GPR39: variants seen among roughly 807,000 people sequenced by gnomAD.
The protein encoded by GPR39 is G protein-coupled receptor 39.
A neutral mutation model predicts 18.4 loss-of-function variants in GPR39; 23 were observed. That is an observed-to-expected ratio of 1.25 (90% CI 0.90 to 1.77). The LOEUF is 1.77. Among genes scored for constraint, GPR39 ranks in the 40% most tolerant of loss-of-function variants. The pLI, the probability that GPR39 is intolerant of heterozygous loss-of-function variation, is 0.00. For missense variants in GPR39, 647 were observed against 602.4 expected, an observed-to-expected ratio of 1.07 and a Z score of -0.78; for synonymous variants, 280 against 257.9, an observed-to-expected ratio of 1.09 and a Z score of -0.82.
intron 1 of GPR39, among the ~76,000 whole-genome samples, chr2:132,525,833 C>A: frequency 6.6e-6 from 1 of 152,140 alleles, no homozygotes; most frequent in Non-Finnish European, 1.5e-5. Context: ...ATTGCCTGAG[C>A]AGCAGCTAGA....
At chr2:132,603,489 C>T (rs985815257) in intron 1 of GPR39, among the ~76,000 whole-genome samples, 2 of 151,858 alleles carry the variant, frequency 1.3e-5, no homozygotes, top group Non-Finnish European at 2.9e-5. Flanking sequence ...AATGATATAT[C>T]GTATGTTTTC....
chr2:132,520,870 T>C (rs1679412530), intron 1 of GPR39, among the ~76,000 whole-genome samples: 1 of 152,206 alleles, frequency 6.6e-6, no homozygotes, highest in Admixed American at 6.5e-5. Flanking sequence ...CTGCAGTTTA[T>C]AAGGGAAGAA....
chr2:132,555,462 A>G (rs1680133192), intron 1 of GPR39, among the ~76,000 whole-genome samples: 1 of 152,076 alleles, frequency 6.6e-6, no homozygotes, highest in African/African-American at 2.4e-5. Context: ...TGCTTCCAAG[A>G]TGGTGCACTC....
intron 1 of GPR39, among the ~76,000 whole-genome samples, chr2:132,430,686 G>C (rs936547268): frequency 6.6e-6 from 1 of 152,148 alleles, no homozygotes; most frequent in African/African-American, 2.4e-5. Flanking sequence ...TCCAGCCCCT[G>C]TGAGGCTGAG....
chr2:132,493,652 T>C (rs1245057632), intron 1 of GPR39, among the ~76,000 whole-genome samples: 1 of 151,554 alleles, frequency 6.6e-6, no homozygotes, highest in Non-Finnish European at 1.5e-5. Flanking sequence ...GGTGACCACA[T>C]GAATGTAGGC....
chr2:132,634,077 G>A (rs1022259573), intron 1 of GPR39, among the ~76,000 whole-genome samples: 36 of 152,006 alleles, frequency 2.4e-4, no homozygotes, highest in Middle Eastern at 3.4e-3. Flanking sequence ...AGTAGCAGTG[G>A]TGTTGGTGTT....
intron 1 of GPR39, among the ~76,000 whole-genome samples, chr2:132,629,870 T>C (rs1681617390): frequency 6.6e-6 from 1 of 152,184 alleles, no homozygotes; most frequent in Non-Finnish European, 1.5e-5. Context: ...GGTGATGCAC[T>C]TGAACTTGGT....
intron 1 of GPR39, among the ~76,000 whole-genome samples, chr2:132,518,985 T>C (rs530117099): frequency 6.6e-6 from 1 of 152,358 alleles, no homozygotes; most frequent in South Asian, 2.1e-4. Context: ...TCTTCATTCA[T>C]AACAAAGCTG....
Position 132,417,743 on chromosome 2 carries a change from TCCTG to T in GPR39, c.703_706del (p.Leu235SerfsTer3). ...GGCGCCTTCGTGGTCTACCTCGTGG[TCCTG>T]CTCTCCGTAGCCTTCATGTGCTGGA... On this transcript the variant is annotated frameshift_variant, in exon 1 of 2. Coordinates refer to ENST00000329321, the MANE Select transcript of GPR39 (RefSeq NM_001508.3). LOFTEE classifies it high-confidence loss of function. 6.2e-7 allele frequency: 1 copy of T among 1,614,156 alleles called. No homozygotes were observed. Among genetic ancestry groups the T allele is most frequent in the Non-Finnish European group, 8.5e-7 (1 of 1,180,036 alleles).
At chr2:132,642,123 AC>A (rs1681866653) in intron 1 of GPR39, among the ~76,000 whole-genome samples, 1 of 152,090 alleles carries the variant, frequency 6.6e-6, no homozygotes, top group East Asian at 1.9e-4. Context: ...CTTAGGAAAA[AC>A]TCAGTAATAA....
At chr2:132,623,534 C>G (rs1681483335) in intron 1 of GPR39, among the ~76,000 whole-genome samples, 2 of 152,220 alleles carry the variant, frequency 1.3e-5, no homozygotes, top group African/African-American at 2.4e-5. Context: ...CCCTTTATCC[C>G]TTTTCCTCGC....
intron 1 of GPR39, among the ~76,000 whole-genome samples, chr2:132,550,816 T>C (rs1680028680): frequency 6.6e-6 from 1 of 152,206 alleles, no homozygotes; most frequent in African/African-American, 2.4e-5. Context: ...CCTAGCTGTA[T>C]TTCTGTCCAG....
rs34737665 is a variant in GPR39 at position 132,534,179 on chromosome 2, G to C, written c.857-110922G>C. ...CAACCCCATCAAAAAGTGGGCGAAG[G>C]ATATGAACAGACACTTCTCAAAAGA... On this transcript the variant is annotated intron_variant, in intron 1 of 1. Coordinates refer to ENST00000329321, the MANE Select transcript of GPR39 (RefSeq NM_001508.3). Among the ~76,000 whole-genome samples, 5 of 151,900 alleles carry C rather than the reference G, an allele frequency of 3.3e-5. No individual in the cohort carries two copies. In the South Asian group the frequency reaches 1.0e-3, roughly 32 times the overall value.
chr2:132,592,994 G>A (rs191892216), intron 1 of GPR39, among the ~76,000 whole-genome samples: 5 of 152,258 alleles, frequency 3.3e-5, no homozygotes, highest in Admixed American at 3.3e-4. Context: ...CTCAGGTTTC[G>A]TAATTCACCA....
At chr2:132,539,306 G>A (rs766352542) in intron 1 of GPR39, among the ~76,000 whole-genome samples, 14 of 152,068 alleles carry the variant, frequency 9.2e-5, no homozygotes, top group Non-Finnish European at 1.8e-4. Flanking sequence ...GGAGGTCACC[G>A]GGCTCCTTGC....
chr2:132,534,664 A>C (rs558820120), intron 1 of GPR39, among the ~76,000 whole-genome samples: 52 of 152,186 alleles, frequency 3.4e-4, no homozygotes, highest in African/African-American at 1.2e-3. Context: ...CAGCCATAAA[A>C]AATGATGAGT....
At chr2:132,560,260 A>G (rs535015598) in intron 1 of GPR39, among the ~76,000 whole-genome samples, 14 of 151,804 alleles carry the variant, frequency 9.2e-5, no homozygotes, top group Non-Finnish European at 2.1e-4. Context: ...CCCTCAATAC[A>G]TTCATCACCC....
chr2:132,465,053 T>C (rs1680902742), intron 1 of GPR39, among the ~76,000 whole-genome samples: 1 of 152,222 alleles, frequency 6.6e-6, no homozygotes, highest in African/African-American at 2.4e-5. Context: ...ATTCACAAAA[T>C]TTGTTTGGAT....
At chr2:132,488,110 A>G (rs904742056) in intron 1 of GPR39, among the ~76,000 whole-genome samples, 6 of 152,172 alleles carry the variant, frequency 3.9e-5, no homozygotes, top group Non-Finnish European at 7.4e-5. Context: ...TGGTAAGTAG[A>G]CAAATTTGCT....
Sources: gnomAD v4.1 joint callset for allele counts (sites outside exome capture counted in the v4.1 genomes callset) on GRCh38, gnomAD v4.1.1 for gene constraint, MANE v1.5 for transcripts, NCBI Gene and HGNC (gene_info 2026-07-23, HGNC 2026-07-21) for gene names.